Variants in ARHGAP15 observed in about 807,000 individuals in gnomAD.
ARHGAP15 encodes the protein Rho GTPase activating protein 15, also known as rho GTPase-activating protein 15.
A neutral mutation model predicts 63.7 loss-of-function variants in ARHGAP15; 51 were observed. The observed-to-expected ratio is 0.80, with a 90% CI of 0.64 to 1.01. The LOEUF (loss-of-function observed/expected upper bound fraction) is 1.01. Among genes scored for constraint, ARHGAP15 ranks in the 50% least tolerant of loss-of-function variants. ARHGAP15 has a pLI of 0.00. For synonymous variants in ARHGAP15, 191 were observed against 193.8 expected (o/e 0.99, Z 0.12); for missense variants, 560 against 564.6 (o/e 0.99, Z 0.08).
chr2:143,555,012 G>A (rs1019481176), intron 10 of ARHGAP15, among the ~76,000 whole-genome samples: 2 of 152,098 alleles, frequency 1.3e-5, no homozygotes, highest in Admixed American at 1.3e-4. Flanking sequence ...GAACTATAAA[G>A]TCACATCAAT....
chr2:143,201,259 A>G lies in ARHGAP15; in HGVS notation c.166-875A>G, dbSNP rs781588722. Among the ~76,000 whole-genome samples the G allele has an allele frequency of 4.4e-4, 66 of 151,684 alleles. 1 individual carries two copies. Among genetic ancestry groups the G allele is most frequent in the Non-Finnish European group, 1.6e-4 (11 of 67,924 alleles). On this transcript the variant is annotated intron_variant, in intron 2 of 13. Transcript: ENST00000295095. ...GGGTAGCTGGGGACTGACTGACTAT[A>G]GGTGTGTGCCACCATGCCTAGCTAA...
At chr2:143,138,579 C>T (rs560663904) in intron 1 of ARHGAP15, among the ~76,000 whole-genome samples, 2 of 152,224 alleles carry the variant, frequency 1.3e-5, no homozygotes, top group Admixed American at 6.5e-5. Flanking sequence ...AGGAAGAAAA[C>T]GTTCTTTTGC....
At chr2:143,236,077 A>G (rs1300928442) in intron 5 of ARHGAP15, 2 of 1,355,720 alleles carry the variant, frequency 1.5e-6, no homozygotes, top group Non-Finnish European at 2.0e-6. Flanking sequence ...TAGAACATCC[A>G]TTCATTTATT....
chr2:143,265,325 A>G (rs556544442), intron 6 of ARHGAP15, among the ~76,000 whole-genome samples: 1 of 152,162 alleles, frequency 6.6e-6, no homozygotes, highest in African/African-American at 2.4e-5. Flanking sequence ...TTGAGCTGTA[A>G]GACATAGGAG....
chr2:143,516,234 T>G (rs568988886), intron 9 of ARHGAP15, among the ~76,000 whole-genome samples: 123 of 152,358 alleles, frequency 8.1e-4, no homozygotes, highest in African/African-American at 2.9e-3. Context: ...TTCCTAGCTC[T>G]AAATACAGTA....
At chr2:143,655,924 G>C (rs944995393) in intron 12 of ARHGAP15, among the ~76,000 whole-genome samples, 1 of 152,042 alleles carries the variant, frequency 6.6e-6, no homozygotes, top group African/African-American at 2.4e-5. Flanking sequence ...AATATCATTT[G>C]GTTTTCTTCT....
chr2:143,594,372 A>C (rs1697432782), intron 11 of ARHGAP15, among the ~76,000 whole-genome samples: 1 of 152,232 alleles, frequency 6.6e-6, no homozygotes, highest in Non-Finnish European at 1.5e-5. Flanking sequence ...CAACAATGTA[A>C]GCAAATCGTT....
At chr2:143,624,739 C>T (rs17825425) in intron 12 of ARHGAP15, among the ~76,000 whole-genome samples, 1,544 of 152,276 alleles carry the variant, frequency 0.01, 12 homozygotes, top group Non-Finnish European at 0.014. Flanking sequence ...CCTTCACCCA[C>T]CAACACTAGT....
intron 12 of ARHGAP15, among the ~76,000 whole-genome samples, chr2:143,655,655 C>G (rs572551339): frequency 5.3e-5 from 8 of 152,176 alleles, no homozygotes; most frequent in Admixed American, 3.9e-4. Flanking sequence ...AGGTAACTGC[C>G]TGGTGGTATG....
intron 6 of ARHGAP15, among the ~76,000 whole-genome samples, chr2:143,336,508 T>G (rs978030399): frequency 1.2e-4 from 18 of 152,152 alleles, no homozygotes; most frequent in Admixed American, 9.8e-4. Flanking sequence ...GATGGTTTTA[T>G]TCTAATAACT....
intron 9 of ARHGAP15, among the ~76,000 whole-genome samples, chr2:143,518,276 AG>A (rs1693907629): frequency 6.6e-6 from 1 of 152,258 alleles, no homozygotes; most frequent in African/African-American, 2.4e-5. Flanking sequence ...TAGATGATTC[AG>A]ACACTCAGAA....
chr2:143,374,862 G>A (rs1362023890), intron 6 of ARHGAP15, among the ~76,000 whole-genome samples: 1 of 152,118 alleles, frequency 6.6e-6, no homozygotes, highest in Non-Finnish European at 1.5e-5. Context: ...TCCAGGACAG[G>A]TATGTATAAT....
chr2:143,720,942 G>A (rs904120160), intron 13 of ARHGAP15, among the ~76,000 whole-genome samples: 5 of 151,064 alleles, frequency 3.3e-5, no homozygotes, highest in South Asian at 2.1e-4. Flanking sequence ...GGTGGCGGGC[G>A]CCTGTAGTCC....
intron 12 of ARHGAP15, among the ~76,000 whole-genome samples, chr2:143,675,475 A>G (rs1682778961): frequency 6.6e-6 from 1 of 152,186 alleles, no homozygotes. Context: ...CTCATTCTCT[A>G]TGGCAGCCAT....
chr2:143,454,051 TAAAC>T lies in ARHGAP15; in HGVS notation c.703+17017_703+17020del, dbSNP rs199530980. ...TACTTATCAGCATTTTGATGGGGAATAAACAAACAAAAGAAACAAATTGGTCCTT... is the reference window on the plus strand; with the variant it reads ...TACTTATCAGCATTTTGATGGGGAATAAACAAAAGAAACAAATTGGTCCTT... On this transcript the variant is annotated intron_variant, in intron 8 of 13. Transcript: ENST00000295095. Among the ~76,000 whole-genome samples the T allele has an allele frequency of 2.0e-3, 300 of 152,142 alleles. 1 individual carries two copies. The highest frequency in any genetic ancestry group is 6.5e-3 in the African/African-American group (271 of 41,546).
intron 6 of ARHGAP15, among the ~76,000 whole-genome samples, chr2:143,300,237 C>G (rs182814194): frequency 6.6e-6 from 1 of 151,958 alleles, no homozygotes; most frequent in Non-Finnish European, 1.5e-5. Context: ...ATTTGGTCAA[C>G]AGATTTGGCA....
In ARHGAP15 at chr2:143,699,469, A is replaced by C. The variant is rs77473994; in HGVS notation, c.1139-3950A>C. On this transcript the variant is annotated intron_variant, in intron 12 of 13. Coordinates refer to ENST00000295095, the MANE Select transcript of ARHGAP15 (RefSeq NM_018460.4). ...ATGTGTGAAAGTGGAAAAAGAGAGA[A>C]AAATATTTCTATAAAATATTCTTCA... Among the ~76,000 whole-genome samples, 1,498 of 152,336 alleles carry C rather than the reference A, an allele frequency of 9.8e-3. 28 individuals carry two copies. The highest frequency in any genetic ancestry group is 0.034 in the African/African-American group (1,432 of 41,570).
chr2:143,647,023 G>T (rs187330740), intron 12 of ARHGAP15, among the ~76,000 whole-genome samples: 1 of 151,654 alleles, frequency 6.6e-6, no homozygotes, highest in Non-Finnish European at 1.5e-5. Flanking sequence ...TGTGAGAGTT[G>T]GTCAAAAGAT....
intron 6 of ARHGAP15, among the ~76,000 whole-genome samples, chr2:143,389,320 T>TTG (rs973704875): frequency 1.3e-5 from 2 of 152,064 alleles, no homozygotes; most frequent in African/African-American, 4.8e-5. Flanking sequence ...TCCAGGTGAC[T>TTG]TGTACGTCTG....
Sources: gnomAD v4.1 joint callset for allele counts (sites outside exome capture counted in the v4.1 genomes callset) on GRCh38, gnomAD v4.1.1 for gene constraint, MANE v1.5 for transcripts, NCBI Gene and HGNC (gene_info 2026-07-23, HGNC 2026-07-21) for gene names.